Variants in SLC9A8 observed in about 807,000 individuals in gnomAD.
SLC9A8 encodes sodium/hydrogen exchanger 8.
Under a neutral mutation model 66.6 loss-of-function variants are expected in SLC9A8, and 48 were observed. The ratio of observed to expected loss-of-function variants is 0.72; its 90% CI spans 0.57 to 0.92. The LOEUF (loss-of-function observed/expected upper bound fraction) is 0.92. Among genes scored for constraint, SLC9A8 ranks in the 40% least tolerant of loss-of-function variants. SLC9A8 has a pLI of 0.00. For missense variants in SLC9A8, 599 were observed against 747.3 expected (o/e 0.80, Z 2.31); for synonymous variants, 274 against 282.6 (o/e 0.97, Z 0.31).
chr20:49,814,811 A>G (rs536332776), intron 1 of SLC9A8, among the ~76,000 whole-genome samples, 197 bp from the exon 2 acceptor site: 1 of 152,082 alleles, frequency 6.6e-6, no homozygotes, highest in Non-Finnish European at 1.5e-5. Flanking sequence ...GCTGTATTCA[A>G]AAGCACCAGA....
At chr20:49,881,962 T>C (rs1029859373) in intron 13 of SLC9A8, among the ~76,000 whole-genome samples, 1 of 152,086 alleles carries the variant, frequency 6.6e-6, no homozygotes, top group African/African-American at 2.4e-5. Flanking sequence ...GGAGTGTATT[T>C]GAAATGGCGG....
Position 49,849,517 on chromosome 20 carries a change from G to A in SLC9A8, c.433-62G>A, listed in dbSNP as rs1371392377. 1.4e-5 allele frequency: 18 copies of A among 1,282,486 alleles called. No individual in the cohort carries two copies. The East Asian group carries it at 1.9e-4, about 13-fold the overall frequency. The allele number at this position is 1,282,486 out of a possible 1,614,324, so 79.4% of individuals were successfully genotyped here. A position where few individuals can be genotyped will look rare whatever the true frequency, so the allele number is the denominator to read the frequency against. On this transcript the variant is annotated intron_variant, in intron 5 of 15. Coordinates refer to ENST00000361573, the MANE Select transcript of SLC9A8 (RefSeq NM_015266.3). ...GCACGGAGGGCCAGGTGTGCAGGCC[G>A]TGCCTTCACTGACAGGAATGGCTTT...
chr20:49,855,404 T>C (rs1202746954), intron 7 of SLC9A8, 34 bp from the exon 8 acceptor site: 1 of 1,609,096 alleles, frequency 6.2e-7, no homozygotes, highest in Non-Finnish European at 8.5e-7. Flanking sequence ...GTGACACACA[T>C]TACAGAATCT....
intron 2 of SLC9A8, among the ~76,000 whole-genome samples, chr20:49,815,722 A>G (rs1444363709): frequency 6.6e-6 from 1 of 151,906 alleles, no homozygotes; most frequent in Non-Finnish European, 1.5e-5. Context: ...TCCAGCCTGG[A>G]TGACAGAGTA....
intron 2 of SLC9A8, among the ~76,000 whole-genome samples, chr20:49,821,550 C>G (rs1441102415): frequency 6.6e-6 from 1 of 151,994 alleles, no homozygotes; most frequent in Non-Finnish European, 1.5e-5. Context: ...TTAAAGAAAC[C>G]TAATTTGTCA....
intron 13 of SLC9A8, among the ~76,000 whole-genome samples, chr20:49,882,100 T>C (rs2089646739): frequency 6.6e-6 from 1 of 152,066 alleles, no homozygotes; most frequent in Admixed American, 6.6e-5. Context: ...CCCATCATCA[T>C]TTAAGCAATC....
chr20:49,815,048 C>T lies in SLC9A8; in HGVS notation c.67C>T (p.Leu23Phe), dbSNP rs1294244851. 2 of 1,604,346 alleles carry T rather than the reference C, an allele frequency of 1.2e-6. No individual in the cohort carries two copies. The highest frequency in any genetic ancestry group is 1.1e-5 in the South Asian group (1 of 89,428). Residue 23 changes from leucine (L) to phenylalanine (F), a missense_variant, in exon 2 of 16, where the codon CTC becomes TTC. Physicochemically the swap from Leu to Phe is conservative, Grantham distance 22. Coordinates refer to ENST00000361573, the MANE Select transcript of SLC9A8 (RefSeq NM_015266.3). ...NTTHEGFNVT[L>F]HTTLVVTTKL... is the part of the protein sequence containing the mutation. ...AACTCATGAGGGTTTCAATGTCACC[C>T]TCCACACCACCCTGGTTGTCACGAC...
intron 11 of SLC9A8, among the ~76,000 whole-genome samples, chr20:49,875,049 A>C (rs1022042409): frequency 6.6e-6 from 1 of 152,330 alleles, no homozygotes; most frequent in Middle Eastern, 3.4e-3. Flanking sequence ...TTAAAGACCA[A>C]AAATAGTGAG....
In SLC9A8 at chr20:49,888,256, C is replaced by T. The variant is rs2089964356; in HGVS notation, c.*320C>T. ...TGAAGCTAGGGCGCCTACCCCCCCA[C>T]CCGGAGGACCCCTGCGGCCCCCTGC... On this transcript the variant is annotated 3_prime_UTR_variant, in exon 16 of 16. Transcript: ENST00000361573. 2 of 309,490 alleles carry T rather than the reference C, an allele frequency of 6.5e-6. No individual in the cohort carries two copies. The highest frequency in any genetic ancestry group is 1.2e-5 in the Non-Finnish European group (2 of 160,256). 19.2% of individuals were successfully genotyped at this position (309,490 alleles called of 1,614,324 possible).
chr20:49,838,454 C>T (rs2087630827), intron 3 of SLC9A8, among the ~76,000 whole-genome samples: 2 of 152,098 alleles, frequency 1.3e-5, no homozygotes. Flanking sequence ...TGTCTTGGGT[C>T]CTTCCTCTTT....
chr20:49,880,560 TG>T (rs979801101), intron 12 of SLC9A8, among the ~76,000 whole-genome samples: 2 of 152,186 alleles, frequency 1.3e-5, no homozygotes, highest in Admixed American at 1.3e-4. Flanking sequence ...AGGGGCACCT[TG>T]GGAGTCAGGT....
intron 8 of SLC9A8, among the ~76,000 whole-genome samples, chr20:49,859,746 T>A (rs1568849575): frequency 1.3e-5 from 2 of 152,256 alleles, no homozygotes; most frequent in Admixed American, 1.3e-4. Context: ...GATTTGTTGC[T>A]ATGATAGTGT....
intron 13 of SLC9A8, among the ~76,000 whole-genome samples, chr20:49,881,291 C>G (rs1468075006): frequency 6.6e-6 from 1 of 152,212 alleles, no homozygotes; most frequent in Non-Finnish European, 1.5e-5. Flanking sequence ...ATTTCTGCCA[C>G]TCTCTTCTGA....
intron 3 of SLC9A8, among the ~76,000 whole-genome samples, chr20:49,834,177 CTCTCTCTCTATA>C (rs1358413699): frequency 0.015 from 834 of 56,860 alleles, 19 homozygotes; most frequent in African/African-American, 0.05. Context: ...CTCTCTCTCT[CTCTCTCTCTATA>C]TATATATATA....
At chr20:49,844,063 C>T (rs904074974) in intron 4 of SLC9A8, among the ~76,000 whole-genome samples, 1 of 151,894 alleles carries the variant, frequency 6.6e-6, no homozygotes, top group African/African-American at 2.4e-5. Context: ...CAGTCTTGAA[C>T]TTTTCCGGAC....
rs1223710592 is a variant in SLC9A8 at position 49,848,037 on chromosome 20, T to C, written c.433-1542T>C. On this transcript the variant is annotated intron_variant, in intron 5 of 15. Transcript: ENST00000361573. Reference sequence around the variant, plus strand: ...GCCCCCTGGGTTCAAGCGATTCTCCTGCCTCAGCCTCCCGAGTAGCTGGGA... The same window carrying C: ...GCCCCCTGGGTTCAAGCGATTCTCCCGCCTCAGCCTCCCGAGTAGCTGGGA... Among the ~76,000 whole-genome samples the C allele has an allele frequency of 2.0e-5, 3 of 151,860 alleles. No individual in the cohort carries two copies. The South Asian group carries it at 6.3e-4, about 32-fold the overall frequency.
At chr20:49,855,358 TG>T in intron 7 of SLC9A8, 79 bp from the exon 8 acceptor site, 1 of 1,377,548 alleles carries the variant, frequency 7.3e-7, no homozygotes, top group Non-Finnish European at 1.0e-6. Context: ...CTGTTAAATA[TG>T]GCCTTTGACT....
chr20:49,868,721 T>C (rs898319203), intron 10 of SLC9A8, among the ~76,000 whole-genome samples: 6 of 152,172 alleles, frequency 3.9e-5, no homozygotes, highest in African/African-American at 1.4e-4. Context: ...CACCCCATGC[T>C]CTACTTCCTC....
At chr20:49,878,869 T>G (rs1038413055) in intron 12 of SLC9A8, among the ~76,000 whole-genome samples, 5 of 151,924 alleles carry the variant, frequency 3.3e-5, no homozygotes, top group African/African-American at 7.3e-5. Context: ...AATACAAAAT[T>G]AGCCGGGCGT....
Sources: gnomAD v4.1 joint callset for allele counts (sites outside exome capture counted in the v4.1 genomes callset) on GRCh38, gnomAD v4.1.1 for gene constraint, MANE v1.5 for transcripts, NCBI Gene and HGNC (gene_info 2026-07-23, HGNC 2026-07-21) for gene names.